The following CAMTA1 variants were observed in gnomAD, a reference collection of about 807,000 sequenced individuals.
CAMTA1 encodes the protein calmodulin binding transcription activator 1.
Under a neutral mutation model 170.9 loss-of-function variants are expected in CAMTA1, and 27 were observed. That is an observed-to-expected ratio of 0.16 (90% CI 0.12 to 0.22). The LOEUF (loss-of-function observed/expected upper bound fraction) is 0.22, where lower values mean the gene tolerates loss of function less well. Ranked by LOEUF, CAMTA1 falls within the 10% of genes least tolerant of loss-of-function variation. The probability of loss-of-function intolerance (pLI) is 1.00; values close to 1 mark genes in which losing one functional copy is unlikely to be tolerated. For missense variants in CAMTA1, 1,619 were observed against 2,217.2 expected (o/e 0.73, Z 5.42); for synonymous variants, 833 against 891.5 (o/e 0.93, Z 1.17).
intron 4 of CAMTA1, among the ~76,000 whole-genome samples, chr1:7,100,020 G>T (rs1326644160): frequency 1.3e-5 from 2 of 152,130 alleles, no homozygotes; most frequent in Non-Finnish European, 1.5e-5. Context: ...CCCCGGGAGG[G>T]TCTATTGCCC....
At chr1:7,433,673 TTAGATAA>T (rs1247712797) in intron 5 of CAMTA1, among the ~76,000 whole-genome samples, 1 of 152,138 alleles carries the variant, frequency 6.6e-6, no homozygotes, top group Non-Finnish European at 1.5e-5. Flanking sequence ...ACGGTTCCAT[TTAGATAA>T]TATCATTGAA....
At chr1:7,679,533 C>A (rs1477559284) in intron 11 of CAMTA1, among the ~76,000 whole-genome samples, 1 of 151,406 alleles carries the variant, frequency 6.6e-6, no homozygotes, top group Non-Finnish European at 1.5e-5. Flanking sequence ...CCAGGCCCCT[C>A]GAGATGGGCC....
chr1:7,273,998 G>C (rs1670222754), intron 5 of CAMTA1, among the ~76,000 whole-genome samples: 1 of 152,058 alleles, frequency 6.6e-6, no homozygotes, highest in Non-Finnish European at 1.5e-5. Context: ...GCCAATAGTG[G>C]ATATAAAATG....
intron 6 of CAMTA1, among the ~76,000 whole-genome samples, chr1:7,607,578 G>A (rs1269794806): frequency 6.6e-6 from 1 of 152,072 alleles, no homozygotes; most frequent in African/African-American, 2.4e-5. Context: ...GTGGGAGAAT[G>A]AGTGGATAGA....
intron 3 of CAMTA1, among the ~76,000 whole-genome samples, chr1:7,058,618 G>A (rs2101711304): frequency 6.6e-6 from 1 of 152,288 alleles, no homozygotes; most frequent in East Asian, 1.9e-4. Flanking sequence ...TCTGTGGGGT[G>A]TTGGAGTTCC....
chr1:7,439,870 C>T (rs1270944886), intron 5 of CAMTA1, among the ~76,000 whole-genome samples: 1 of 152,250 alleles, frequency 6.6e-6, no homozygotes, highest in Admixed American at 6.5e-5. Context: ...GTCGGAGTCA[C>T]GTGAGCTGCA....
intron 3 of CAMTA1, among the ~76,000 whole-genome samples, chr1:6,993,492 T>C (rs1476524019): frequency 6.6e-6 from 1 of 152,182 alleles, no homozygotes; most frequent in Non-Finnish European, 1.5e-5. Flanking sequence ...ATTGAGATAA[T>C]AGGTCTATTT....
chr1:7,314,789 A>C (rs1291156339), intron 5 of CAMTA1, among the ~76,000 whole-genome samples: 1 of 152,184 alleles, frequency 6.6e-6, no homozygotes, highest in East Asian at 1.9e-4. Context: ...TAAAGTCTAC[A>C]TTCATGGAGG....
At position 7,532,169 on chromosome 1, in the gene CAMTA1, C is replaced by T. The variant is rs990393065; in HGVS notation, c.510+64268C>T. On this transcript the variant is annotated intron_variant, in intron 6 of 22. Coordinates refer to ENST00000303635, the MANE Select transcript of CAMTA1 (RefSeq NM_015215.4). This position sits in a 1 kb window ranked among gnomAD's most constrained non-coding sequence, Gnocchi z 4.2. Reference sequence around the variant, plus strand: ...GAGCCCTAAGCTGCAGCCCTTGGGACGTCTCCATTGAGCCAGTCCTTCCTG... The same window carrying T: ...GAGCCCTAAGCTGCAGCCCTTGGGATGTCTCCATTGAGCCAGTCCTTCCTG... 1.3e-5 allele frequency among the ~76,000 whole-genome samples: 2 copies of T among 152,036 alleles called. No homozygotes were observed. The highest frequency in any genetic ancestry group is 2.4e-5 in the African/African-American group (1 of 41,358).
intron 5 of CAMTA1, among the ~76,000 whole-genome samples, chr1:7,409,764 T>G (rs2090575627): frequency 6.6e-6 from 1 of 152,176 alleles, no homozygotes; most frequent in Non-Finnish European, 1.5e-5. Context: ...CAAAATAAAT[T>G]AATTTTTTTG....
intron 3 of CAMTA1, among the ~76,000 whole-genome samples, chr1:6,862,135 A>G (rs1486887158): frequency 6.6e-6 from 1 of 151,980 alleles, no homozygotes; most frequent in Non-Finnish European, 1.5e-5. Flanking sequence ...GCTACTTTTT[A>G]TATTTTTAGT....
At chr1:7,150,902 C>G (rs77719430) in intron 4 of CAMTA1, among the ~76,000 whole-genome samples, 2 of 152,232 alleles carry the variant, frequency 1.3e-5, no homozygotes, top group East Asian at 1.9e-4. Context: ...TCATTTTGCT[C>G]GAGTAAAGAA....
intron 11 of CAMTA1, among the ~76,000 whole-genome samples, chr1:7,726,291 G>A (rs2096685692): frequency 6.6e-6 from 1 of 152,124 alleles, no homozygotes; most frequent in African/African-American, 2.4e-5. Flanking sequence ...GTTTCGCTGG[G>A]GAGGACATGG....
intron 3 of CAMTA1, among the ~76,000 whole-genome samples, chr1:7,003,358 A>G (rs779059743): frequency 1.2e-4 from 18 of 152,252 alleles, no homozygotes; most frequent in Non-Finnish European, 2.5e-4. Context: ...TAGTATGGAA[A>G]TGGATTTGTA....
rs189546346 is a variant in CAMTA1 at position 7,513,689 on chromosome 1, G to A, written c.510+45788G>A. On this transcript the variant is annotated intron_variant, in intron 6 of 22. Coordinates refer to ENST00000303635, the MANE Select transcript of CAMTA1 (RefSeq NM_015215.4). The stretch of plus-strand genomic sequence containing the variant: ...TGTAATCCCAGCACTTTGGGAGGCC[G>A]AGATGGGAGTATCACCTGAGGTCGG... Among the ~76,000 whole-genome samples, 62 of 152,272 alleles carry A rather than the reference G, an allele frequency of 4.1e-4. 1 individual carries two copies. In the East Asian group the frequency reaches 8.5e-3, roughly 21 times the overall value.
In CAMTA1 at chr1:7,005,985, G is replaced by A. The variant is rs142947962; in HGVS notation, c.235-85319G>A. The stretch of plus-strand genomic sequence containing the variant: ...ATAGACCAGGGCAGGGTCTGTTGGC[G>A]GATTTTGGTGTTGGAAGAACAGAGA... On this transcript the variant is annotated intron_variant, in intron 3 of 22. Coordinates refer to ENST00000303635, the MANE Select transcript of CAMTA1 (RefSeq NM_015215.4). Among the ~76,000 whole-genome samples the A allele has an allele frequency of 4.8e-4, 73 of 152,250 alleles. 1 individual carries two copies. The highest frequency in any genetic ancestry group is 1.7e-3 in the African/African-American group (70 of 41,542).
At chr1:7,546,006 A>G (rs1239468847) in intron 6 of CAMTA1, among the ~76,000 whole-genome samples, 16 of 144,092 alleles carry the variant, frequency 1.1e-4, no homozygotes, top group African/African-American at 3.9e-4. Flanking sequence ...CCCAGGCTGG[A>G]GTGCAGTGGC....
At chr1:7,498,365 ATG>A (rs55793745) in intron 6 of CAMTA1, among the ~76,000 whole-genome samples, 32,725 of 148,778 alleles carry the variant, frequency 0.22, 4,414 homozygotes, top group East Asian at 0.5. Flanking sequence ...GTGAGTGTGG[ATG>A]TGTGTGTATG....
intron 3 of CAMTA1, among the ~76,000 whole-genome samples, chr1:7,039,193 G>A (rs545728456): frequency 6.6e-5 from 10 of 152,238 alleles, no homozygotes; most frequent in African/African-American, 2.4e-4. Context: ...TGTGAATTAC[G>A]CCATTTAATA....
Sources: gnomAD v4.1 joint callset for allele counts (sites outside exome capture counted in the v4.1 genomes callset) on GRCh38, gnomAD v4.1.1 for gene constraint, Gnocchi (gnomAD v3.1) non-coding constraint, MANE v1.5 for transcripts, NCBI Gene and HGNC (gene_info 2026-07-23, HGNC 2026-07-21) for gene names.